Variants in C4orf36 observed in about 807,000 individuals in gnomAD.
C4orf36 encodes the protein chromosome 4 open reading frame 36.
Under a neutral mutation model 12.2 loss-of-function variants are expected in C4orf36, and 11 were observed. The ratio of observed to expected loss-of-function variants is 0.90; its 90% CI spans 0.57 to 1.49. The LOEUF is 1.49. Ranked by LOEUF, C4orf36 falls within the 40% of genes most tolerant of loss-of-function variation. The pLI, the probability that C4orf36 is intolerant of heterozygous loss-of-function variation, is 0.00. For synonymous variants in C4orf36, 54 were observed against 51.3 expected (o/e 1.05, Z -0.22); for missense variants, 137 against 133.9 (o/e 1.02, Z -0.11).
chr4:86,913,475 G>A, the C4orf36 span: 2 of 772,822 alleles, frequency 2.6e-6, no homozygotes, highest in South Asian at 2.9e-5. Context: ...TGACAGACAT[G>A]TTGCGTTGGA....
the C4orf36 span, among the ~76,000 whole-genome samples, chr4:86,903,983 C>T: frequency 6.6e-6 from 1 of 152,226 alleles, no homozygotes; most frequent in Non-Finnish European, 1.5e-5. Context: ...GTTCACAAAC[C>T]TCTAGCTAGA....
At chr4:86,908,223 C>T in the C4orf36 span, among the ~76,000 whole-genome samples, 1 of 138,562 alleles carries the variant, frequency 7.2e-6, no homozygotes, top group Non-Finnish European at 1.6e-5. Flanking sequence ...ACACACGTTG[C>T]TGGTGTTTGG....
the C4orf36 span, among the ~76,000 whole-genome samples, chr4:86,916,670 T>C: frequency 6.6e-6 from 1 of 152,202 alleles, no homozygotes; most frequent in Admixed American, 6.5e-5. Flanking sequence ...CTCATTAGAA[T>C]TGACACATAT....
intron 4 of C4orf36, among the ~76,000 whole-genome samples, chr4:86,881,358 T>C (rs1046084880): frequency 6.6e-6 from 1 of 152,216 alleles, no homozygotes; most frequent in Non-Finnish European, 1.5e-5. Context: ...TTCTGACCTT[T>C]GTCTTGAACT....
the C4orf36 span, among the ~76,000 whole-genome samples, chr4:86,905,984 G>A: frequency 6.6e-6 from 1 of 152,152 alleles, no homozygotes; most frequent in African/African-American, 2.4e-5. Flanking sequence ...GCTTCCCAAA[G>A]TGCTGGGATT....
At chr4:86,887,071 C>G (rs1043859259) in intron 4 of C4orf36, 2 of 150,690 alleles carry the variant, frequency 1.3e-5, no homozygotes, top group Non-Finnish European at 2.9e-5. Context: ...AATGAGAACA[C>G]TTGGACACAG....
intron 2 of C4orf36, among the ~76,000 whole-genome samples, chr4:86,888,788 C>T (rs1210155044): frequency 6.6e-6 from 1 of 152,094 alleles, no homozygotes; most frequent in Non-Finnish European, 1.5e-5. Flanking sequence ...AAAATATCAG[C>T]TACATGTTTC....
chr4:86,891,664 A>T, intron 1 of C4orf36, 71 bp from the exon 2 acceptor site: 1 of 1,398,438 alleles, frequency 7.2e-7, no homozygotes, highest in Non-Finnish European at 9.5e-7. Context: ...ATAGAAAAAA[A>T]TTCTGAATGT....
the C4orf36 span, among the ~76,000 whole-genome samples, chr4:86,932,059 G>T: frequency 3.1e-4 from 5 of 16,016 alleles, no homozygotes; most frequent in Admixed American, 8.2e-4. Context: ...AAAAAAAAAA[G>T]ATTTATTCCG....
chr4:86,919,032 G>A, the C4orf36 span, among the ~76,000 whole-genome samples: 7 of 151,998 alleles, frequency 4.6e-5, no homozygotes, highest in Admixed American at 2.6e-4. Context: ...GAACCTGGGG[G>A]CATTGGTGTA....
At chr4:86,900,853 T>C in the C4orf36 span, among the ~76,000 whole-genome samples, 1 of 152,204 alleles carries the variant, frequency 6.6e-6, no homozygotes, top group East Asian at 1.9e-4. Context: ...TGACAAGCTA[T>C]GTATCTGATG....
the C4orf36 span, among the ~76,000 whole-genome samples, chr4:86,910,059 G>A: frequency 6.6e-6 from 1 of 152,106 alleles, no homozygotes; most frequent in Non-Finnish European, 1.5e-5. Flanking sequence ...AAATAAAGAA[G>A]TAGAAGGAGC....
chr4:86,891,677 G>C, intron 1 of C4orf36, 84 bp from the exon 2 acceptor site: 1 of 1,296,910 alleles, frequency 7.7e-7, no homozygotes, highest in Non-Finnish European at 1.0e-6. Context: ...CTGAATGTCA[G>C]AAAGTCCTTA....
At chr4:86,883,558 T>C (rs2149420377) in intron 4 of C4orf36, among the ~76,000 whole-genome samples, 1 of 152,296 alleles carries the variant, frequency 6.6e-6, no homozygotes, top group African/African-American at 2.4e-5. Flanking sequence ...GAAGTAGGTA[T>C]ACCTGTATTA....
chr4:86,923,187 G>A, the C4orf36 span, among the ~76,000 whole-genome samples: 2 of 151,206 alleles, frequency 1.3e-5, no homozygotes, highest in Non-Finnish European at 2.9e-5. Flanking sequence ...AACCTCCTAG[G>A]TTCAAACTAT....
chr4:86,890,125 C>A (rs1308964743), intron 2 of C4orf36: 4 of 443,896 alleles, frequency 9.0e-6, no homozygotes, highest in Admixed American at 7.4e-5. Flanking sequence ...CCAGGAGGTG[C>A]ACAACATTCC....
At chr4:86,908,168 T>TACACAC in the C4orf36 span, among the ~76,000 whole-genome samples, 298 of 140,944 alleles carry the variant, frequency 2.1e-3, 3 homozygotes, top group Middle Eastern at 0.014. Context: ...ACTTTCAACA[T>TACACAC]ACACACACAC....
At chr4:86,926,257 G>A in the C4orf36 span, 10 of 152,196 alleles carry the variant, frequency 6.6e-5, no homozygotes, top group Admixed American at 6.5e-4. Flanking sequence ...CTTCCATCCT[G>A]TCATGCTGGA....
chr4:86,910,935 T>A, the C4orf36 span, among the ~76,000 whole-genome samples: 1 of 150,190 alleles, frequency 6.7e-6, no homozygotes, highest in South Asian at 2.1e-4. Flanking sequence ...AAAAAAAAAA[T>A]AGCTGAGCGT....
Sources: gnomAD v4.1 joint callset for allele counts (sites outside exome capture counted in the v4.1 genomes callset) on GRCh38, gnomAD v4.1.1 for gene constraint, MANE v1.5 for transcripts, NCBI Gene and HGNC (gene_info 2026-07-23, HGNC 2026-07-21) for gene names.